POLRMT: variants seen among roughly 807,000 people sequenced by gnomAD.
POLRMT encodes DNA-directed RNA polymerase, mitochondrial.
In POLRMT, 114 loss-of-function variants were observed where a neutral mutation model predicts 132.2. That is an observed-to-expected ratio of 0.86 (90% confidence interval 0.74 to 1.01). The LOEUF (loss-of-function observed/expected upper bound fraction) is 1.01. Among genes scored for constraint, POLRMT ranks in the 50% least tolerant of loss-of-function variants. The pLI is 0.00. For synonymous variants in POLRMT, 1,020 were observed against 773.4 expected, an observed-to-expected ratio of 1.32 and a Z score of -5.29; for missense variants, 2,003 against 1,729.1, an observed-to-expected ratio of 1.16 and a Z score of -2.81.
At position 621,856 on chromosome 19, in the gene POLRMT, G is replaced by A. The variant is rs916178463; in HGVS notation, c.1852-10C>T. 9.6e-5 allele frequency: 154 copies of A among 1,600,790 alleles called. No homozygotes were observed. The highest frequency in any genetic ancestry group is 1.2e-4 in the Non-Finnish European group (143 of 1,179,698). On this transcript the variant is annotated splice_polypyrimidine_tract_variant and intron_variant, in intron 9 of 20. Transcript: ENST00000588649. The stretch of plus-strand genomic sequence containing the variant: ...GCTTCAGGATGCCGATCTGGGGTGC[G>A]ACAGGCAGACGGGTCAGGGCCCCGG...
rs757371337 is a variant in POLRMT, at chr19:619,255, G to A, written c.3108C>T (p.Val1036=). Residue 1036 remains valine, a synonymous_variant, in exon 14 of 21, where the codon GTC becomes GTT. Coordinates refer to ENST00000588649, the MANE Select transcript of POLRMT (RefSeq NM_005035.4). ...AGAACATCTCCTGTAGACTCTTGAA[G>A]ACCTGGCGTACGAGATAGTGAGAGG... The part of the protein sequence containing the change: ...WEASHYLVRQ[V]FKSLQEMFSG... 9 of 1,607,676 alleles carry A rather than the reference G, an allele frequency of 5.6e-6. No homozygotes were observed. Among genetic ancestry groups the A allele is most frequent in the African/African-American group, 2.7e-5 (2 of 73,740 alleles).
chr19:620,271 T>C, intron 11 of POLRMT, 94 bp downstream of exon 11: 1 of 1,460,974 alleles, frequency 6.8e-7, no homozygotes, highest in Non-Finnish European at 9.1e-7. Context: ...CTCCAGAGAA[T>C]ACCACGAGCG....
chr19:617,308 TCCAGGTCGAAGGCC>T lies in POLRMT; in HGVS notation c.3645_3658del (p.Phe1217GlyfsTer?), dbSNP rs1984042123. 6.2e-7 allele frequency: 1 copy of T among 1,612,756 alleles called. No individual in the cohort carries two copies. The highest frequency in any genetic ancestry group is 8.5e-7 in the Non-Finnish European group (1 of 1,179,884). ...GAAGTAGGTGGAACGCTTCACCTGC[TCCAGGTCGAAGGCC>T]CCTGCGGAGGAAGCAGAGCGGACGG... On this transcript the variant is annotated frameshift_variant and splice_region_variant, in exon 21 of 21. Coordinates refer to ENST00000588649, the MANE Select transcript of POLRMT (RefSeq NM_005035.4). LOFTEE classifies it high-confidence loss of function.
rs1048748809 is a variant in POLRMT at position 621,598 on chromosome 19, G to C, written c.2100C>G (p.Thr700=). The change falls in exon 10 of 21, where the codon ACC becomes ACG. Residue 700 remains threonine, a synonymous_variant. Transcript: ENST00000588649. ...TALHGALDAL[T]QLGNCAWRVN... ...CGCGCCAGGCGCAGTTGCCCAGTTGGGTGAGGGCGTCCAGTGCGCCATGCA... is the reference window on the plus strand; with the variant it reads ...CGCGCCAGGCGCAGTTGCCCAGTTGCGTGAGGGCGTCCAGTGCGCCATGCA... The C allele has an allele frequency of 4.0e-6, 6 of 1,498,472 alleles. No individual in the cohort carries two copies. The highest frequency in any genetic ancestry group is 5.3e-6 in the Non-Finnish European group (6 of 1,126,728). The allele number at this position is 1,498,472 out of a possible 1,614,324, so 92.8% of individuals were successfully genotyped here. A position where few individuals can be genotyped will look rare whatever the true frequency, so the allele number is the denominator to read the frequency against.
At chr19:625,081 G>C (rs2285855) in intron 4 of POLRMT, 43 bp downstream of exon 4, 787,096 of 1,588,180 alleles carry the variant, frequency 0.5, 200,863 homozygotes, top group South Asian at 0.74. Flanking sequence ...AAAACCCTGG[G>C]AGGGACATGG....
chr19:631,414 C>T (rs1450944283), intron 2 of POLRMT, among the ~76,000 whole-genome samples: 5 of 150,436 alleles, frequency 3.3e-5, no homozygotes, highest in African/African-American at 7.4e-5. Context: ...CCGAGGCAGG[C>T]GGATCACGAG....
chr19:630,756 A>G (rs2144700575), intron 2 of POLRMT, among the ~76,000 whole-genome samples: 1 of 152,302 alleles, frequency 6.6e-6, no homozygotes, highest in Admixed American at 6.5e-5. Flanking sequence ...ACGCTGAGCC[A>G]CTAGCTCGCA....
At chr19:618,049 G>A in intron 17 of POLRMT, 200 bp from the exon 18 acceptor site, 2 of 576,444 alleles carry the variant, frequency 3.5e-6, no homozygotes, top group Admixed American at 3.1e-5. Flanking sequence ...AATGTTCCCA[G>A]AAGCCTCCTC....
chr19:623,114 A>G (rs1051229615), intron 6 of POLRMT, 129 bp from the exon 7 acceptor site: 1 of 1,217,696 alleles, frequency 8.2e-7, no homozygotes, highest in Middle Eastern at 2.6e-4. Context: ...TGTTCCGGGT[A>G]GCTCCTCACC....
chr19:619,227 C>T lies in POLRMT; in HGVS notation c.3136G>A (p.Gly1046Arg), dbSNP rs751056777. Residue 1046 changes from glycine to arginine, a missense_variant, in exon 14 of 21, where the codon GGG becomes AGG. Physicochemically the swap from Gly to Arg is moderately radical, Grantham distance 125. Coordinates refer to ENST00000588649, the MANE Select transcript of POLRMT (RefSeq NM_005035.4). ...GGACGTACCTGGATGGCCCGGGTCC[C>T]CGAGAACATCTCCTGTAGACTCTTG... ...VFKSLQEMFS[G>R]TRAIQHWLTE... 23 of 1,610,412 alleles carry T rather than the reference C, an allele frequency of 1.4e-5. No homozygotes were observed.
intron 1 of POLRMT, 50 bp downstream of exon 1, chr19:633,375 G>T: frequency 6.9e-7 from 1 of 1,444,754 alleles, no homozygotes; most frequent in African/African-American, 1.5e-5. Context: ...GCGCGGGGAG[G>T]AGCCCACGCC....
At chr19:633,006 G>A (rs1440709697) in intron 1 of POLRMT, 68 bp from the exon 2 acceptor site, 13 of 1,176,648 alleles carry the variant, frequency 1.1e-5, no homozygotes, top group African/African-American at 1.6e-5. Flanking sequence ...AAAGGCAGAA[G>A]CCGAAGGGTC....
At chr19:625,420 A>C (rs1984956107) in intron 3 of POLRMT, 166 bp from the exon 4 acceptor site, 1 of 877,032 alleles carries the variant, frequency 1.1e-6, no homozygotes, top group Non-Finnish European at 1.7e-6. Context: ...AGGTTCTGAC[A>C]CACAAGCTCC....
intron 2 of POLRMT, among the ~76,000 whole-genome samples, chr19:631,827 C>G (rs928065726): frequency 2.6e-5 from 4 of 152,128 alleles, no homozygotes; most frequent in Admixed American, 6.5e-5. Context: ...CCGCAACCTC[C>G]ACCTTCCGGG....
chr19:621,398 T>C lies in POLRMT; in HGVS notation c.2300A>G (p.Lys767Arg). ...CAGGCTGTGCATCTCCCGGGCCACCTTCTGGCAGTGCGCCAGCTCACGGCG... is the reference window on the plus strand; with the variant it reads ...CAGGCTGTGCATCTCCCGGGCCACCCTCTGGCAGTGCGCCAGCTCACGGCG... ...ELRRELAHCQ[K>R]VAREMHSLRA... Residue 767 changes from lysine to arginine, a missense_variant, in exon 10 of 21, where the codon AAG becomes AGG. Lys to Arg is a conservative substitution (Grantham distance 26, BLOSUM62 2). Coordinates refer to ENST00000588649, the MANE Select transcript of POLRMT (RefSeq NM_005035.4). 6.5e-7 allele frequency: 1 copy of C among 1,526,734 alleles called. No individual in the cohort carries two copies. The highest frequency in any genetic ancestry group is 1.2e-5 in the South Asian group (1 of 83,674). 94.6% of individuals were successfully genotyped at this position (1,526,734 alleles called of 1,614,324 possible). A position where few individuals can be genotyped will look rare whatever the true frequency, so the allele number is the denominator to read the frequency against.
rs750925778 is a variant in POLRMT at position 623,436 on chromosome 19, C to A, written c.1290+18G>T. Reference sequence around the variant, plus strand: ...CTCAGCCCCTGCGGCGGACACGGGACCCCGGCTCAGCCCCTACCGCGTGCT... The same window carrying A: ...CTCAGCCCCTGCGGCGGACACGGGAACCCGGCTCAGCCCCTACCGCGTGCT... On this transcript the variant is annotated intron_variant, in intron 6 of 20. Transcript: ENST00000588649. 1.9e-6 allele frequency: 3 copies of A among 1,609,286 alleles called. No homozygotes were observed. In the East Asian group the frequency reaches 6.7e-5, roughly 36 times the overall value.
At chr19:631,185 G>A (rs1028308236) in intron 2 of POLRMT, among the ~76,000 whole-genome samples, 10 of 151,894 alleles carry the variant, frequency 6.6e-5, no homozygotes, top group African/African-American at 1.9e-4. Flanking sequence ...GAAATAAGCC[G>A]GGTACAGGGC....
chr19:628,632 G>A (rs1369264224), intron 3 of POLRMT, among the ~76,000 whole-genome samples: 2 of 36,850 alleles, frequency 5.4e-5, no homozygotes, highest in Admixed American at 3.9e-4. Context: ...GAAGGATCAT[G>A]GGGGGGGAGA....
chr19:622,802 C>T lies in POLRMT; in HGVS notation c.1455+19G>A, dbSNP rs752710617. ...TGCCCGCCCCGCCCGGGGACCCGGCCGCGCGGAGGAAGACGCACCTGCAGG... is the reference window on the plus strand; with the variant it reads ...TGCCCGCCCCGCCCGGGGACCCGGCTGCGCGGAGGAAGACGCACCTGCAGG... On this transcript the variant is annotated intron_variant, in intron 7 of 20. Transcript: ENST00000588649. The T allele has an allele frequency of 3.2e-6, 5 of 1,575,382 alleles. 1 individual carries two copies. The highest frequency in any genetic ancestry group is 2.4e-5 in the East Asian group (1 of 42,364).
Sources: gnomAD v4.1 joint callset for allele counts (sites outside exome capture counted in the v4.1 genomes callset) on GRCh38, gnomAD v4.1.1 for gene constraint, MANE v1.5 for transcripts, NCBI Gene and HGNC (gene_info 2026-07-23, HGNC 2026-07-21) for gene names.